The following ARHGAP28 variants were observed in gnomAD, a reference collection of about 807,000 sequenced individuals.
ARHGAP28 encodes Rho GTPase activating protein 28.
ARHGAP28 carries 56 observed loss-of-function variants against 90.7 expected under a neutral mutation model. That is an observed-to-expected ratio of 0.62 (90% confidence interval 0.50 to 0.77). The LOEUF (loss-of-function observed/expected upper bound fraction) is 0.77. Ranked by LOEUF, ARHGAP28 falls within the 30% of genes least tolerant of loss-of-function variation. ARHGAP28 has a pLI of 0.00. For missense variants in ARHGAP28, 869 were observed against 900.9 expected (o/e 0.96, Z 0.45); for synonymous variants, 308 against 323.3 (o/e 0.95, Z 0.51).
At position 6,761,710 on chromosome 18, in the gene ARHGAP28, TGTACCTTCA is replaced by T. The variant is rs1248445283; in HGVS notation, c.122+31769_122+31777del. On this transcript the variant is annotated intron_variant, in intron 1 of 17. Transcript: ENST00000383472. ...TTAATGATCGAATGACCTCCAAATA[TGTACCTTCA>T]GCCCAGCCTCCTTCCTGAATAGTGG... Among the ~76,000 whole-genome samples, 5 of 152,310 alleles carry T rather than the reference TGTACCTTCA, an allele frequency of 3.3e-5. No homozygotes were observed. The East Asian group carries it at 9.6e-4, about 29-fold the overall frequency.
chr18:6,909,336 AGGTT>A, intron 17 of ARHGAP28, among the ~76,000 whole-genome samples: 1 of 115,152 alleles, frequency 8.7e-6, no homozygotes, highest in South Asian at 2.7e-4. Flanking sequence ...TCTGTTGCCC[AGGTT>A]GGAGTGCAGT....
intron 2 of ARHGAP28, among the ~76,000 whole-genome samples, chr18:6,828,406 G>A (rs976093732): frequency 2.6e-5 from 4 of 151,560 alleles, no homozygotes; most frequent in Admixed American, 2.6e-4. Flanking sequence ...AGAGAGGAGA[G>A]AGGAGAGAGC....
intron 1 of ARHGAP28, among the ~76,000 whole-genome samples, chr18:6,770,625 A>G (rs1412501367): frequency 2.0e-5 from 3 of 152,164 alleles, no homozygotes; most frequent in Admixed American, 2.0e-4. Context: ...ATAGACTGAT[A>G]TTTGTCAAGC....
intron 1 of ARHGAP28, among the ~76,000 whole-genome samples, chr18:6,732,656 CATTTT>C (rs1350881036): frequency 3.3e-5 from 5 of 152,148 alleles, no homozygotes; most frequent in Admixed American, 6.5e-5. Flanking sequence ...TAGGGCTGCT[CATTTT>C]ATTTTATTTT....
At chr18:6,799,258 C>T (rs2143613141) in intron 1 of ARHGAP28, among the ~76,000 whole-genome samples, 1 of 152,288 alleles carries the variant, frequency 6.6e-6, no homozygotes, top group Non-Finnish European at 1.5e-5. Flanking sequence ...AATGGAAAAA[C>T]ATTCCATGCT....
chr18:6,860,633 G>C (rs1471205235), intron 5 of ARHGAP28, among the ~76,000 whole-genome samples: 2 of 152,188 alleles, frequency 1.3e-5, no homozygotes, highest in African/African-American at 2.4e-5. Context: ...TGCTGGGGCA[G>C]TTTTTCCTCA....
chr18:6,769,601 T>A (rs1225191346), intron 1 of ARHGAP28, among the ~76,000 whole-genome samples: 1 of 152,210 alleles, frequency 6.6e-6, no homozygotes, highest in Non-Finnish European at 1.5e-5. Context: ...AAGCGAGACT[T>A]GGAAAGATTA....
At position 6,729,751 on chromosome 18, in the gene ARHGAP28, TC is replaced by T; in HGVS notation, c.-68del. The T allele has an allele frequency of 7.8e-7, 1 of 1,288,258 alleles. No individual in the cohort carries two copies. The highest frequency in any genetic ancestry group is 2.3e-5 in the South Asian group (1 of 43,346). The allele number at this position is 1,288,258 out of a possible 1,614,324, so 79.8% of individuals were successfully genotyped here. A position where few individuals can be genotyped will look rare whatever the true frequency, so the allele number is the denominator to read the frequency against. ...CCGCGCCGCCCAGCTGCTGACAGCC[TC>T]CCGGCGCGCCGGTCCATGCTGGTCC... On this transcript the variant is annotated 5_prime_UTR_variant, in exon 1 of 18. Coordinates refer to ENST00000383472, the MANE Select transcript of ARHGAP28 (RefSeq NM_001366230.1).
intron 1 of ARHGAP28, among the ~76,000 whole-genome samples, chr18:6,767,457 T>G (rs1393139700): frequency 6.6e-6 from 1 of 152,172 alleles, no homozygotes; most frequent in East Asian, 1.9e-4. Context: ...GGTATTATTT[T>G]CTTTCTGCTT....
intron 1 of ARHGAP28, among the ~76,000 whole-genome samples, chr18:6,763,944 T>C (rs769956355): frequency 6.6e-6 from 1 of 152,220 alleles, no homozygotes; most frequent in Non-Finnish European, 1.5e-5. Context: ...GAAATAATTA[T>C]CAAGAATATG....
intron 1 of ARHGAP28, among the ~76,000 whole-genome samples, chr18:6,809,270 T>C (rs1458896451): frequency 1.3e-5 from 2 of 152,166 alleles, no homozygotes; most frequent in African/African-American, 2.4e-5. Context: ...TTTATCCCCA[T>C]TGCTGTCATA....
At chr18:6,812,515 G>A (rs1449291067) in intron 1 of ARHGAP28, among the ~76,000 whole-genome samples, 1 of 152,118 alleles carries the variant, frequency 6.6e-6, no homozygotes, top group African/African-American at 2.4e-5. Flanking sequence ...GCTTAGGAGG[G>A]AAACCTTCCT....
chr18:6,824,993 G>C (rs529054924), intron 2 of ARHGAP28, 29 bp downstream of exon 2: 1 of 1,501,890 alleles, frequency 6.7e-7, no homozygotes, highest in South Asian at 1.3e-5. Flanking sequence ...CTTCCTATGT[G>C]CTGACTGGCT....
chr18:6,802,796 C>T lies in ARHGAP28; in HGVS notation c.123-21966C>T, dbSNP rs182723523. ...ATTTAGGTGTTCTTTAATTTCTCAG[C>T]AATGTTTGCAGTGTTCAGTGTACAG... On this transcript the variant is annotated intron_variant, in intron 1 of 17. Transcript: ENST00000383472. Among the ~76,000 whole-genome samples the T allele has an allele frequency of 1.1e-3, 174 of 152,244 alleles. 2 individuals are homozygous for T. The highest frequency in any genetic ancestry group is 0.011 in the East Asian group (56 of 5,188).
At chr18:6,813,059 A>T (rs1296588388) in intron 1 of ARHGAP28, among the ~76,000 whole-genome samples, 1 of 152,206 alleles carries the variant, frequency 6.6e-6, no homozygotes, top group Non-Finnish European at 1.5e-5. Flanking sequence ...ATTATTGTCG[A>T]TGTGAATAAT....
chr18:6,803,182 A>G (rs546181642), intron 1 of ARHGAP28, among the ~76,000 whole-genome samples: 94 of 152,268 alleles, frequency 6.2e-4, no homozygotes, highest in African/African-American at 1.8e-3. Flanking sequence ...TAGGAAGAAA[A>G]CATTTAGTCT....
intron 12 of ARHGAP28, among the ~76,000 whole-genome samples, chr18:6,887,529 C>T (rs2057232518): frequency 6.6e-6 from 1 of 151,194 alleles, no homozygotes. Flanking sequence ...TTCCCAGGGC[C>T]AGGTGATTCT....
chr18:6,729,863 C>T lies in ARHGAP28; in HGVS notation c.42C>T (p.Tyr14=), dbSNP rs1041513698. 14 of 1,436,496 alleles carry T rather than the reference C, an allele frequency of 9.7e-6. No individual in the cohort carries two copies. The African/African-American group carries it at 1.6e-4, about 17-fold the overall frequency. 89.0% of individuals were successfully genotyped at this position (1,436,496 alleles called of 1,614,324 possible). The change falls in exon 1 of 18, where the codon TAC becomes TAT. Residue 14 remains tyrosine (Y), a synonymous_variant. Transcript: ENST00000383472. ...EDSGGVVLTA[Y]HSYARAQPPN... ...CGGGCGGCGTGGTGCTGACCGCCTA[C>T]CACTCGTACGCGCGCGCCCAGCCCC...
At position 6,902,790 on chromosome 18, in the gene ARHGAP28, A is replaced by G. The variant is rs138337933; in HGVS notation, c.2030+6164A>G. The stretch of plus-strand genomic sequence containing the variant: ...TCAAAACATTACAAATAGAGTTACC[A>G]TATGATCCAACAATTCCACCTGTGG... On this transcript the variant is annotated intron_variant, in intron 16 of 17. Coordinates refer to ENST00000383472, the MANE Select transcript of ARHGAP28 (RefSeq NM_001366230.1). Among the ~76,000 whole-genome samples, 17 of 152,376 alleles carry G rather than the reference A, an allele frequency of 1.1e-4. No individual in the cohort carries two copies. In the East Asian group the frequency reaches 2.7e-3, roughly 24 times the overall value.
Sources: gnomAD v4.1 joint callset for allele counts (sites outside exome capture counted in the v4.1 genomes callset) on GRCh38, gnomAD v4.1.1 for gene constraint, MANE v1.5 for transcripts, NCBI Gene and HGNC (gene_info 2026-07-23, HGNC 2026-07-21) for gene names.